The following PTPRD variants were observed in gnomAD, a reference collection of about 807,000 sequenced individuals.
PTPRD encodes receptor-type tyrosine-protein phosphatase delta.
A neutral mutation model predicts 214.5 loss-of-function variants in PTPRD; 34 were observed. The ratio of observed to expected loss-of-function variants is 0.16; its 90% CI spans 0.12 to 0.21. PTPRD has a LOEUF of 0.21. Ranked by LOEUF, PTPRD falls within the 10% of genes least tolerant of loss-of-function variation. The pLI is 1.00. For missense variants in PTPRD, 2,545 were observed against 2,398.7 expected (o/e 1.06, Z -1.27); for synonymous variants, 1,128 against 845.7 (o/e 1.33, Z -5.79).
chr9:9,024,749 T>A (rs77992243), intron 10 of PTPRD, among the ~76,000 whole-genome samples: 5,965 of 152,062 alleles, frequency 0.039, 121 homozygotes, highest in East Asian at 0.069. Context: ...TGCCTACTTA[T>A]CTATTAGAGC....
chr9:9,076,293 C>T (rs187067995), intron 10 of PTPRD, among the ~76,000 whole-genome samples: 1 of 152,088 alleles, frequency 6.6e-6, no homozygotes, highest in East Asian at 1.9e-4. Flanking sequence ...GGATATTAGC[C>T]CTTTGTCAGA....
chr9:9,842,298 ATT>A lies in PTPRD; in HGVS notation c.-367-75449_-367-75448del, dbSNP rs138386194. Among the ~76,000 whole-genome samples, 718 of 91,394 alleles carry A rather than the reference ATT, an allele frequency of 7.9e-3. 3 individuals carry two copies. The highest frequency in any genetic ancestry group is 0.024 in the East Asian group (68 of 2,876). The allele number at this position is 91,394 out of a possible 152,430, so 60.0% of individuals were successfully genotyped here. On this transcript the variant is annotated intron_variant, in intron 5 of 45. Coordinates refer to ENST00000381196, the MANE Select transcript of PTPRD (RefSeq NM_002839.4). ...AACTCAAAGTCTACTGAAGGAGAGC[ATT>A]TTTTTTTTTTTTTTTTTTTTTTGTC...
chr9:10,582,250 C>A (rs1242119593), intron 2 of PTPRD, among the ~76,000 whole-genome samples: 1 of 152,172 alleles, frequency 6.6e-6, no homozygotes, highest in Admixed American at 6.5e-5. Flanking sequence ...AGTTTTTGAT[C>A]AATAAAGATT....
In PTPRD at chr9:8,784,882, C is replaced by A. The variant is rs564298155; in HGVS notation, c.-103-50936G>T. On this transcript the variant is annotated intron_variant, in intron 11 of 45. Coordinates refer to ENST00000381196, the MANE Select transcript of PTPRD (RefSeq NM_002839.4). Reference sequence around the variant, plus strand: ...ATTTACATCTTTTTATCTTGCACTGCGAGCCCCTCAAAAACAAACAAATGA... The same window carrying A: ...ATTTACATCTTTTTATCTTGCACTGAGAGCCCCTCAAAAACAAACAAATGA... Among the ~76,000 whole-genome samples, 9 of 152,178 alleles carry A rather than the reference C, an allele frequency of 5.9e-5. No homozygotes were observed. The East Asian group carries it at 9.7e-4, about 16-fold the overall frequency.
chr9:9,311,751 T>G (rs890383812), intron 9 of PTPRD, among the ~76,000 whole-genome samples: 1 of 152,180 alleles, frequency 6.6e-6, no homozygotes, highest in African/African-American at 2.4e-5. Flanking sequence ...TTGTTTTAAA[T>G]AGAATACAGA....
At chr9:8,412,225 A>G (rs1436847878) in intron 35 of PTPRD, among the ~76,000 whole-genome samples, 3 of 152,184 alleles carry the variant, frequency 2.0e-5, no homozygotes, top group Admixed American at 6.5e-5. Context: ...TGGGCAACAC[A>G]GCAAGACCCA....
At chr9:9,777,029 T>C (rs1034580892) in intron 5 of PTPRD, among the ~76,000 whole-genome samples, 1 of 152,210 alleles carries the variant, frequency 6.6e-6, no homozygotes, top group Non-Finnish European at 1.5e-5. Flanking sequence ...TGGGTACCAC[T>C]GAAGAGTTGT....
chr9:8,836,587 CTTTTT>C (rs34572407), intron 11 of PTPRD, among the ~76,000 whole-genome samples: 24 of 66,812 alleles, frequency 3.6e-4, no homozygotes, highest in African/African-American at 1.4e-3. Context: ...TAATAAAAAC[CTTTTT>C]TTTTTTTTTT....
chr9:9,320,286 A>G (rs770913656), intron 9 of PTPRD, among the ~76,000 whole-genome samples: 13 of 152,030 alleles, frequency 8.6e-5, no homozygotes, highest in Non-Finnish European at 1.9e-4. Flanking sequence ...ATCATCACCC[A>G]TAGACAATAC....
chr9:9,965,347 G>C (rs956233296), intron 4 of PTPRD, among the ~76,000 whole-genome samples: 1 of 152,076 alleles, frequency 6.6e-6, no homozygotes, highest in Non-Finnish European at 1.5e-5. Context: ...GTTAATGAGA[G>C]GAGAAGGCTT....
At chr9:9,542,871 G>A (rs2077928099) in intron 8 of PTPRD, among the ~76,000 whole-genome samples, 1 of 151,612 alleles carries the variant, frequency 6.6e-6, no homozygotes, top group African/African-American at 2.4e-5. Context: ...TGTGCTGCAG[G>A]AGCATGAAAT....
At chr9:9,625,316 A>G (rs1055041841) in intron 7 of PTPRD, among the ~76,000 whole-genome samples, 4 of 152,202 alleles carry the variant, frequency 2.6e-5, no homozygotes, top group African/African-American at 9.6e-5. Context: ...AAGAAAGCCT[A>G]TTGGCTGGTG....
intron 4 of PTPRD, among the ~76,000 whole-genome samples, chr9:9,998,723 C>T (rs2096235093): frequency 6.6e-6 from 1 of 152,096 alleles, no homozygotes; most frequent in Admixed American, 6.5e-5. Flanking sequence ...CTCTAAATAA[C>T]GTCTCTCTCC....
chr9:8,798,013 G>C (rs1002929181), intron 11 of PTPRD, among the ~76,000 whole-genome samples: 1 of 152,026 alleles, frequency 6.6e-6, no homozygotes, highest in Admixed American at 6.6e-5. Context: ...TATCTTGCAA[G>C]AGAAATGGTA....
At chr9:10,523,851 A>G (rs765990969) in intron 2 of PTPRD, among the ~76,000 whole-genome samples, 3 of 151,836 alleles carry the variant, frequency 2.0e-5, no homozygotes, top group Non-Finnish European at 4.4e-5. Context: ...CTAGATACCA[A>G]AAACTTTTAT....
rs528187421 is a variant in PTPRD at position 10,409,222 on chromosome 9, TA to T, written c.-599-68206del. On this transcript the variant is annotated intron_variant, in intron 2 of 45. Coordinates refer to ENST00000381196, the MANE Select transcript of PTPRD (RefSeq NM_002839.4). The stretch of plus-strand genomic sequence containing the variant: ...GTTATGCATATAGAGTATGACTTGT[TA>T]AAAATATAGAAATATCTTTTGATGA... Among the ~76,000 whole-genome samples the T allele has an allele frequency of 1.9e-3, 284 of 151,948 alleles. 2 individuals are homozygous for T. The highest frequency in any genetic ancestry group is 3.5e-3 in the Non-Finnish European group (239 of 67,862).
At chr9:8,593,388 G>T (rs925738458) in intron 14 of PTPRD, among the ~76,000 whole-genome samples, 13 of 152,130 alleles carry the variant, frequency 8.5e-5, no homozygotes, top group African/African-American at 2.9e-4. Flanking sequence ...ACGTAGACCT[G>T]GTGAAAGGTC....
At chr9:9,676,353 A>T (rs991509232) in intron 7 of PTPRD, among the ~76,000 whole-genome samples, 3 of 137,432 alleles carry the variant, frequency 2.2e-5, no homozygotes, top group Non-Finnish European at 3.0e-5. Flanking sequence ...TTCAATTCCC[A>T]CCTATGAGGG....
At chr9:8,976,732 C>G (rs2099269881) in intron 11 of PTPRD, among the ~76,000 whole-genome samples, 1 of 151,996 alleles carries the variant, frequency 6.6e-6, no homozygotes, top group Admixed American at 6.6e-5. Context: ...TTTTAAGAGC[C>G]AAATGTGAAT....
Sources: allele counts gnomAD v4.1 joint callset (sites outside exome capture counted in the v4.1 genomes callset), GRCh38; gene constraint gnomAD v4.1.1; transcripts MANE v1.5; gene names NCBI Gene and HGNC (gene_info 2026-07-23, HGNC 2026-07-21).